Variants in CREB5 observed in about 807,000 individuals in gnomAD.
The protein encoded by CREB5 is cAMP responsive element binding protein 5, also known as cyclic AMP-responsive element-binding protein 5.
Under a neutral mutation model 57.1 loss-of-function variants are expected in CREB5, and 19 were observed. That is an observed-to-expected ratio of 0.33 (90% CI 0.23 to 0.49). The LOEUF (loss-of-function observed/expected upper bound fraction) is 0.49, where lower values mean the gene tolerates loss of function less well. CREB5 is among the 20% of genes least tolerant of loss of function. The probability of loss-of-function intolerance (pLI) is 0.99; values close to 1 mark genes in which losing one functional copy is unlikely to be tolerated. For synonymous variants in CREB5, 238 were observed against 238.3 expected (o/e 1.00, Z 0.01); for missense variants, 579 against 671.6 (o/e 0.86, Z 1.52).
chr7:28,409,811 G>A, upstream of CREB5: 2 of 448,930 alleles, frequency 4.5e-6, no homozygotes, highest in Non-Finnish European at 4.5e-6. This position sits in a 1 kb window ranked among gnomAD's most constrained non-coding sequence, Gnocchi z 4.4. Context: ...CGCCGAGTCC[G>A]CCCGGCGTGC....
intron 1 of CREB5, among the ~76,000 whole-genome samples, chr7:28,486,703 T>C (rs769321567): frequency 5.6e-5 from 8 of 141,654 alleles, no homozygotes; most frequent in African/African-American, 7.8e-5. Flanking sequence ...TGTTACTGTG[T>C]GGATTGGTAA....
Position 28,522,823 on chromosome 7 carries a change from G to A in CREB5, c.291+15086G>A, listed in dbSNP as rs1274596347. Among the ~76,000 whole-genome samples, 3 of 152,172 alleles carry A rather than the reference G, an allele frequency of 2.0e-5. 1 individual carries two copies. The highest frequency in any genetic ancestry group is 1.5e-5 in the Non-Finnish European group (1 of 68,010). ...CTGGCCCTGAAACCTAGCAATGAAA[G>A]GTAGCTTGCTCTTTCTTCGTAATGC... is the stretch of plus-strand genomic sequence containing the variant. On this transcript the variant is annotated intron_variant, in intron 4 of 10. Transcript: ENST00000357727.
Position 28,353,066 on chromosome 7 carries a change from T to A in CREB5, c.-25+53625T>A, listed in dbSNP as rs1271275155. ...TCTTTCCCTTAGAAGTGCCTCTTTT[T>A]CTTTTTCTTTCTTTCTTTTCTTTTT... On this transcript the variant is annotated intron_variant, in intron 1 of 9. Transcript: ENST00000396299. Among the ~76,000 whole-genome samples, 115 of 152,220 alleles carry A rather than the reference T, an allele frequency of 7.6e-4. 2 individuals carry two copies. The highest frequency in any genetic ancestry group is 7.5e-3 in the Admixed American group (114 of 15,280).
At chr7:28,306,564 T>TTTTTG (rs1785190537) in intron 1 of CREB5, among the ~76,000 whole-genome samples, 10 of 126,334 alleles carry the variant, frequency 7.9e-5, no homozygotes, top group Non-Finnish European at 1.1e-4. Context: ...TGTTTTTTTT[T>TTTTTG]TTTTTTTTTT....
In CREB5 at chr7:28,773,036, C is replaced by CGA. The variant is rs200750980; in HGVS notation, c.703-31159_703-31158dup. On this transcript the variant is annotated intron_variant, in intron 7 of 10. Coordinates refer to ENST00000357727, the MANE Select transcript of CREB5 (RefSeq NM_182898.4). ...ATATGTGACTACAAGGCAGGGTTTTCGAGAGCTTTAGACATTGTTAGTCTT... is the reference window on the plus strand; with the variant it reads ...ATATGTGACTACAAGGCAGGGTTTTCGAGAGAGCTTTAGACATTGTTAGTCTT... Among the ~76,000 whole-genome samples the CGA allele has an allele frequency of 3.9e-3, 591 of 152,240 alleles. 5 individuals are homozygous for CGA. The highest frequency in any genetic ancestry group is 0.013 in the African/African-American group (552 of 41,548).
At chr7:28,645,081 C>G (rs1562546427) in intron 5 of CREB5, among the ~76,000 whole-genome samples, 1 of 152,112 alleles carries the variant, frequency 6.6e-6, no homozygotes, top group Non-Finnish European at 1.5e-5. Flanking sequence ...CTGATTGCAG[C>G]CCCCCAACCC....
At chr7:28,647,582 G>A (rs778462832) in intron 5 of CREB5, among the ~76,000 whole-genome samples, 20 of 152,026 alleles carry the variant, frequency 1.3e-4, no homozygotes, top group Non-Finnish European at 2.2e-4. Flanking sequence ...TTGTAATTCC[G>A]GAAATCTGCA....
intron 4 of CREB5, among the ~76,000 whole-genome samples, chr7:28,537,996 G>A (rs569410224): frequency 1.1e-4 from 17 of 152,262 alleles, no homozygotes; most frequent in Middle Eastern, 3.4e-3. Context: ...AAATCTGTAT[G>A]TTGCCTCCAT....
At chr7:28,332,914 C>G (rs1010509863) in intron 1 of CREB5, among the ~76,000 whole-genome samples, 3 of 152,186 alleles carry the variant, frequency 2.0e-5, no homozygotes, top group Non-Finnish European at 4.4e-5. Context: ...GTCATTTTGA[C>G]ATAAGATACT....
intron 3 of CREB5, among the ~76,000 whole-genome samples, chr7:28,499,731 GCAC>G (rs1792199214): frequency 6.6e-6 from 1 of 152,162 alleles, no homozygotes; most frequent in African/African-American, 2.4e-5. Flanking sequence ...TTACAGGCGT[GCAC>G]CACCACACTC....
intron 5 of CREB5, among the ~76,000 whole-genome samples, chr7:28,608,052 C>T (rs531994793): frequency 6.6e-6 from 1 of 151,080 alleles, no homozygotes; most frequent in Admixed American, 6.6e-5. Flanking sequence ...TATATGACTT[C>T]CCCTTATACC....
chr7:28,775,841 T>G (rs1806593377), intron 7 of CREB5, among the ~76,000 whole-genome samples: 1 of 152,134 alleles, frequency 6.6e-6, no homozygotes, highest in Admixed American at 6.5e-5. Flanking sequence ...GCCTATATAC[T>G]TTTTACCCTC....
At chr7:28,764,662 A>C (rs1287379689) in intron 7 of CREB5, among the ~76,000 whole-genome samples, 1 of 152,230 alleles carries the variant, frequency 6.6e-6, no homozygotes, top group Non-Finnish European at 1.5e-5. Context: ...TTGTAAAGCT[A>C]CTATCTCCCT....
chr7:28,444,652 T>C (rs918589993), intron 1 of CREB5, among the ~76,000 whole-genome samples: 1 of 152,194 alleles, frequency 6.6e-6, no homozygotes, highest in African/African-American at 2.4e-5. Context: ...GCCCTGCCAC[T>C]GTGTTCATGG....
At chr7:28,756,086 C>G (rs1266707519) in intron 7 of CREB5, among the ~76,000 whole-genome samples, 1 of 152,146 alleles carries the variant, frequency 6.6e-6, no homozygotes, top group Non-Finnish European at 1.5e-5. Flanking sequence ...ATATATAGCA[C>G]TATTGTATGC....
intron 1 of CREB5, among the ~76,000 whole-genome samples, chr7:28,379,263 A>G (rs1006262758): frequency 6.6e-6 from 1 of 152,222 alleles, no homozygotes; most frequent in Non-Finnish European, 1.5e-5. Flanking sequence ...TTACAGGATA[A>G]CAGGGGCCTG....
At chr7:28,762,186 C>T (rs1289023307) in intron 7 of CREB5, among the ~76,000 whole-genome samples, 1 of 152,166 alleles carries the variant, frequency 6.6e-6, no homozygotes, top group Non-Finnish European at 1.5e-5. Flanking sequence ...CTGGCATAAA[C>T]TATTATTTTG....
At chr7:28,532,518 G>C (rs949954020) in intron 4 of CREB5, among the ~76,000 whole-genome samples, 2 of 152,236 alleles carry the variant, frequency 1.3e-5, no homozygotes, top group African/African-American at 4.8e-5. Context: ...TTTGTGAACA[G>C]TGTCATCGTG....
At chr7:28,300,591 A>G (rs1420186183) in intron 1 of CREB5, among the ~76,000 whole-genome samples, 3 of 152,210 alleles carry the variant, frequency 2.0e-5, no homozygotes, top group Non-Finnish European at 4.4e-5. Flanking sequence ...TACACATTTA[A>G]ACAAAAATCC....
Sources: allele counts gnomAD v4.1 joint callset (sites outside exome capture counted in the v4.1 genomes callset), GRCh38; gene constraint gnomAD v4.1.1; non-coding constraint Gnocchi (gnomAD v3.1); transcripts MANE v1.5; gene names NCBI Gene and HGNC (gene_info 2026-07-23, HGNC 2026-07-21).